The following GOPC variants were observed in gnomAD, a reference collection of about 807,000 sequenced individuals.
GOPC encodes the protein golgi associated PDZ and coiled-coil motif containing.
In GOPC, 32 loss-of-function variants were observed where a neutral mutation model predicts 51.2. That is an observed-to-expected ratio of 0.63 (90% CI 0.47 to 0.84). GOPC has a LOEUF of 0.84. Ranked by LOEUF, GOPC falls within the 40% of genes least tolerant of loss-of-function variation. The pLI is 0.00. For synonymous variants in GOPC, 190 were observed against 205.1 expected (o/e 0.93, Z 0.63); for missense variants, 441 against 555.5 (o/e 0.79, Z 2.07).
Position 117,573,652 on chromosome 6 carries a change from T to C in GOPC, c.651-20A>G. The C allele has an allele frequency of 6.3e-7, 1 of 1,586,672 alleles. No individual in the cohort carries two copies. The highest frequency in any genetic ancestry group is 8.6e-7 in the Non-Finnish European group (1 of 1,164,958). On this transcript the variant is annotated intron_variant, in intron 4 of 8. Coordinates refer to ENST00000368498, the MANE Select transcript of GOPC (RefSeq NM_020399.4). ...TGGACCCTTCATATTGGGAAAAGAG[T>C]ACATTGATTTTTCATTATATTCACT...
intron 1 of GOPC, among the ~76,000 whole-genome samples, chr6:117,581,009 G>A (rs964964687): frequency 1.3e-5 from 2 of 152,070 alleles, no homozygotes; most frequent in African/African-American, 2.4e-5. Flanking sequence ...AGATTAGGAT[G>A]ACAGCTTATA....
At chr6:117,599,729 C>T (rs1045247019) in intron 1 of GOPC, among the ~76,000 whole-genome samples, 3 of 152,130 alleles carry the variant, frequency 2.0e-5, no homozygotes, top group Non-Finnish European at 4.4e-5. Flanking sequence ...TAAACCAGGA[C>T]ATAAAGTCAG....
chr6:117,583,414 A>G (rs141074346), intron 1 of GOPC, among the ~76,000 whole-genome samples: 58 of 152,348 alleles, frequency 3.8e-4, no homozygotes, highest in Non-Finnish European at 6.0e-4. Context: ...CAGAGTGCTT[A>G]ATTTTAATGC....
chr6:117,573,367 G>C, intron 5 of GOPC, 100 bp downstream of exon 5: 1 of 1,307,240 alleles, frequency 7.6e-7, no homozygotes, highest in East Asian at 2.4e-5. Context: ...TTTAAATAAA[G>C]GTTTCAAACA....
At position 117,575,100 on chromosome 6, in the gene GOPC, A is replaced by G. The variant is rs1779861225; in HGVS notation, c.650+77T>C. 24 of 1,168,956 alleles carry G rather than the reference A, an allele frequency of 2.1e-5. No individual in the cohort carries two copies. In the South Asian group the frequency reaches 3.6e-4, roughly 17 times the overall value. 72.4% of individuals were successfully genotyped at this position (1,168,956 alleles called of 1,614,324 possible). A position where few individuals can be genotyped will look rare whatever the true frequency, so the allele number is the denominator to read the frequency against. ...TCTCAAAAAAATAAAAAATAAAAAA[A>G]GAAAGAAGTAAGAGTCAACCTCATT... On this transcript the variant is annotated intron_variant, in intron 4 of 8. Transcript: ENST00000368498.
intron 7 of GOPC, 42 bp from the exon 8 acceptor site, chr6:117,567,076 T>C (rs763537239): frequency 2.3e-5 from 33 of 1,445,048 alleles, no homozygotes; most frequent in Admixed American, 7.1e-5. Context: ...GTTATTGTAA[T>C]TGTAATTTAA....
intron 1 of GOPC, among the ~76,000 whole-genome samples, chr6:117,592,737 G>GT (rs946775434): frequency 2.6e-5 from 4 of 152,092 alleles, no homozygotes; most frequent in African/African-American, 9.7e-5. Context: ...ACATTCTGAG[G>GT]TTTTGGGGGT....
In GOPC at chr6:117,560,529, A is replaced by G. The variant is rs1583044711; in HGVS notation, c.*2725T>C. The G allele has an allele frequency of 2.6e-5, 5 of 194,650 alleles. No homozygotes were observed. The East Asian group carries it at 4.0e-4, about 16-fold the overall frequency. 12.1% of individuals were successfully genotyped at this position (194,650 alleles called of 1,614,324 possible). The stretch of plus-strand genomic sequence containing the variant: ...TGAAACCTTTTTGTTTCTAAACATG[A>G]AAACAGCATAAGTCCACTGCAGTGG... On this transcript the variant is annotated 3_prime_UTR_variant, in exon 9 of 9. Transcript: ENST00000368498.
chr6:117,576,775 A>G (rs1279734184), intron 3 of GOPC, among the ~76,000 whole-genome samples: 1 of 151,960 alleles, frequency 6.6e-6, no homozygotes, highest in Non-Finnish European at 1.5e-5. Context: ...CCAGAAAAAA[A>G]TTTTCTTGGT....
intron 1 of GOPC, among the ~76,000 whole-genome samples, chr6:117,591,876 G>C (rs1780123048): frequency 6.6e-6 from 1 of 152,184 alleles, no homozygotes. Flanking sequence ...ACTCTAGAAT[G>C]ATCAGGCAAC....
At chr6:117,599,462 A>G (rs1340906936) in intron 1 of GOPC, among the ~76,000 whole-genome samples, 1 of 152,232 alleles carries the variant, frequency 6.6e-6, no homozygotes, top group Non-Finnish European at 1.5e-5. Context: ...GCTGACAATG[A>G]ACTTCTTTCC....
chr6:117,573,781 T>TA (rs889371726), intron 4 of GOPC, 149 bp from the exon 5 acceptor site: 36 of 560,142 alleles, frequency 6.4e-5, no homozygotes, highest in East Asian at 3.2e-4. Context: ...CTCTCAGATA[T>TA]AAAAAAAATA....
In GOPC at chr6:117,573,569, G is replaced by A. The variant is rs778071997; in HGVS notation, c.714C>T (p.Asn238=). The A allele has an allele frequency of 2.4e-5, 39 of 1,613,790 alleles. No individual in the cohort carries two copies. Among genetic ancestry groups the A allele is most frequent in the Non-Finnish European group, 2.6e-5 (31 of 1,179,924 alleles). The change falls in exon 5 of 9, where the codon AAC becomes AAT. Residue 238 remains asparagine (N), a synonymous_variant. Transcript: ENST00000368498. ...GCAAATGTATTTCAGCTTCTAATTG[G>A]TTCCAAAGCTTATCATGAGCAGGTC... is the stretch of plus-strand genomic sequence containing the variant. The part of the protein sequence containing the change: ...MKGPAHDKLW[N]QLEAEIHLHR...
At chr6:117,576,811 G>A (rs1426550530) in intron 3 of GOPC, among the ~76,000 whole-genome samples, 1 of 151,978 alleles carries the variant, frequency 6.6e-6, no homozygotes, top group African/African-American at 2.4e-5. Flanking sequence ...TTGTTACTAG[G>A]TAACACCCAA....
chr6:117,589,249 C>A (rs1388465117), intron 1 of GOPC, among the ~76,000 whole-genome samples: 2 of 152,138 alleles, frequency 1.3e-5, no homozygotes, highest in African/African-American at 4.8e-5. Context: ...TCATGCAGAG[C>A]CTGTCTGCCA....
intron 1 of GOPC, among the ~76,000 whole-genome samples, chr6:117,590,571 CAAA>C (rs563071906): frequency 8.6e-5 from 6 of 69,502 alleles, no homozygotes; most frequent in Non-Finnish European, 1.1e-4. Flanking sequence ...GACCCTGTCT[CAAA>C]AAAAAAAAAA....
Position 117,599,130 on chromosome 6 carries a change from TTAA to T in GOPC, c.285+2871_285+2873del, listed in dbSNP as rs552018212. Among the ~76,000 whole-genome samples, 206 of 152,262 alleles carry T rather than the reference TTAA, an allele frequency of 1.4e-3. 1 individual carries two copies. Among genetic ancestry groups the T allele is most frequent in the African/African-American group, 4.3e-3 (179 of 41,560 alleles). ...AATATTTTAATAATAAATATAGTGT[TTAA>T]TGTTAACTACATTATAAATTACCCA... is the stretch of plus-strand genomic sequence containing the variant. On this transcript the variant is annotated intron_variant, in intron 1 of 8. Transcript: ENST00000368498.
intron 4 of GOPC, 108 bp from the exon 5 acceptor site, chr6:117,573,740 A>T: frequency 1.0e-5 from 9 of 857,888 alleles, no homozygotes; most frequent in Non-Finnish European, 1.6e-5. Flanking sequence ...CAAATTAGTG[A>T]TAAAACTAAT....
At chr6:117,585,910 T>C (rs901482961) in intron 1 of GOPC, among the ~76,000 whole-genome samples, 2 of 152,218 alleles carry the variant, frequency 1.3e-5, no homozygotes, top group African/African-American at 4.8e-5. Flanking sequence ...TTAGGAATTA[T>C]GAAGAAAATA....
Sources: allele counts gnomAD v4.1 joint callset (sites outside exome capture counted in the v4.1 genomes callset), GRCh38; gene constraint gnomAD v4.1.1; transcripts MANE v1.5; gene names NCBI Gene and HGNC (gene_info 2026-07-23, HGNC 2026-07-21).